ZNF177: variants seen among roughly 807,000 people sequenced by gnomAD.
ZNF177 encodes zinc finger protein 177.
Under a neutral mutation model 19.4 loss-of-function variants are expected in ZNF177, and 17 were observed. The ratio of observed to expected loss-of-function variants is 0.87; its 90% CI spans 0.60 to 1.31. The LOEUF (loss-of-function observed/expected upper bound fraction) is 1.31, where lower values mean the gene tolerates loss of function less well. Among genes scored for constraint, ZNF177 ranks in the 40% most tolerant of loss-of-function variants. ZNF177 has a pLI of 0.00. For synonymous variants in ZNF177, 220 were observed against 188.7 expected (o/e 1.17, Z -1.36); for missense variants, 633 against 561.8 (o/e 1.13, Z -1.28).
At chr19:9,378,323 G>A (rs1214669227) in exon 2 of ZNF177, 2 of 1,613,706 alleles carry the variant, frequency 1.2e-6, no homozygotes, top group South Asian at 2.2e-5. Flanking sequence ...TGGCTGCAGG[G>A]TGGCTGACAA....
exon 6 of ZNF177, chr19:9,381,986 TC>T (rs2068210782): frequency 1.4e-6 from 1 of 690,632 alleles, no homozygotes; most frequent in South Asian, 2.9e-5. Context: ...CAACTGTAGA[TC>T]CTATGAATAT....
chr19:9,379,590 A>T (rs1209226447), exon 4 of ZNF177: 4 of 1,613,812 alleles, frequency 2.5e-6, no homozygotes, highest in Middle Eastern at 1.6e-4. Flanking sequence ...AAGACAGATG[A>T]AAGAGGAATT....
At chr19:9,363,989 A>G (rs941330709) in intron 1 of ZNF177, among the ~76,000 whole-genome samples, 3 of 152,354 alleles carry the variant, frequency 2.0e-5, no homozygotes, top group Middle Eastern at 6.8e-3. Flanking sequence ...CTTCTGTAAC[A>G]GCTTTATTGA....
rs374337718 is a variant in ZNF177, at chr19:9,381,829, A to G, written c.*52A>G. The G allele has an allele frequency of 5.3e-4, 822 of 1,536,708 alleles. 1 individual carries two copies. Among genetic ancestry groups the G allele is most frequent in the Admixed American group, 9.1e-4 (44 of 48,378 alleles). On this transcript the variant is annotated 3_prime_UTR_variant, in exon 6 of 6. Transcript: ENST00000589262. ...CCTCATGCCTCCTTTCTCACTTTAG[A>G]ACATATATTGGAGAGAAGCCCTGTT...
Position 9,368,938 on chromosome 19 carries a change from A to G in ZNF177, c.-304-2672A>G, listed in dbSNP as rs1477550677. Among the ~76,000 whole-genome samples, 3 of 152,150 alleles carry G rather than the reference A, an allele frequency of 2.0e-5. No individual in the cohort carries two copies. The East Asian group carries it at 5.8e-4, about 29-fold the overall frequency. ...CATTGTAATTAAGACATGTCAGAGA[A>G]CATGTTTGTATACCAAATCTTTTTC... On this transcript the variant is annotated intron_variant, in intron 2 of 8. Transcript: ENST00000343499.
At chr19:9,381,120 A>G (rs756393789) in exon 6 of ZNF177, 3 of 1,613,894 alleles carry the variant, frequency 1.9e-6, no homozygotes, top group South Asian at 1.1e-5. Flanking sequence ...AACATGAGAA[A>G]ACTTTCACTG....
chr19:9,374,415 G>T (rs770427422), upstream of ZNF177, among the ~76,000 whole-genome samples: 10 of 152,042 alleles, frequency 6.6e-5, no homozygotes, highest in Non-Finnish European at 1.3e-4. Context: ...TTCTATTTCT[G>T]TAAAAAATAT....
chr19:9,377,983 CAG>C (rs2068135746), intron 1 of ZNF177, among the ~76,000 whole-genome samples: 1 of 152,152 alleles, frequency 6.6e-6, no homozygotes, highest in African/African-American at 2.4e-5. Context: ...AAATGATATT[CAG>C]AGACAGTTTT....
intron 2 of ZNF177, among the ~76,000 whole-genome samples, chr19:9,366,206 C>T (rs2067977471): frequency 6.6e-6 from 1 of 152,140 alleles, no homozygotes; most frequent in Non-Finnish European, 1.5e-5. Flanking sequence ...TGGTCTGGAT[C>T]TCCTGACCTC....
intron 1 of ZNF177, among the ~76,000 whole-genome samples, 191 bp from the exon 4 acceptor site, chr19:9,378,068 G>C (rs2068137313): frequency 6.6e-6 from 1 of 152,096 alleles, no homozygotes; most frequent in Non-Finnish European, 1.5e-5. Flanking sequence ...CTAGAAAAAA[G>C]TCCAAGAAAA....
upstream of ZNF177, among the ~76,000 whole-genome samples, chr19:9,374,083 T>G (rs1231991826): frequency 2.0e-5 from 3 of 152,196 alleles, no homozygotes; most frequent in African/African-American, 4.8e-5. Context: ...GATTTTTGTT[T>G]GTAGTTTAAG....
chr19:9,379,019 C>CT lies in ZNF177; in HGVS notation c.92dup (p.Asp32GlyfsTer17). On this transcript the variant is annotated frameshift_variant, in exon 3 of 6. Coordinates refer to ENST00000589262, the Ensembl canonical transcript of ZNF177. LOFTEE classifies it high-confidence loss of function. The stretch of plus-strand genomic sequence containing the variant: ...CTTTTCCCAGGAGGAGTGGGCATTG[C>CT]TGGACCCTGCTCAAAAAAATCTATA... 1.6e-5 allele frequency: 25 copies of CT among 1,611,270 alleles called. No homozygotes were observed. The highest frequency in any genetic ancestry group is 2.0e-5 in the Non-Finnish European group (23 of 1,177,994).
intron 1 of ZNF177, 48 bp downstream of exon 1, chr19:9,363,132 G>A (rs1198305225): frequency 6.6e-6 from 1 of 152,420 alleles, no homozygotes; most frequent in African/African-American, 2.4e-5. Flanking sequence ...AAGGGGTCAA[G>A]GGCACAGTGC....
chr19:9,369,257 T>A (rs2068018110), intron 2 of ZNF177, among the ~76,000 whole-genome samples: 1 of 152,118 alleles, frequency 6.6e-6, no homozygotes, highest in Non-Finnish European at 1.5e-5. Flanking sequence ...AGTCTTATAG[T>A]GATGATTTGT....
chr19:9,381,215 T>C (rs757529525), exon 6 of ZNF177: 19 of 1,613,344 alleles, frequency 1.2e-5, no homozygotes, highest in Non-Finnish European at 1.7e-6. Flanking sequence ...GCCTTCATTT[T>C]TCAGTCTTCC....
chr19:9,379,520 T>C lies in ZNF177; in HGVS notation c.161-7T>C, dbSNP rs763294440. 1.2e-6 allele frequency: 2 copies of C among 1,612,334 alleles called. No individual in the cohort carries two copies. Among genetic ancestry groups the C allele is most frequent in the South Asian group, 1.1e-5 (1 of 90,608 alleles). ...TTCTCCCACATCCTTGCTTTCTGCG[T>C]GAGCAGGGTATCAGCTCTGCAGACA... On this transcript the variant is annotated splice_region_variant and splice_polypyrimidine_tract_variant and intron_variant, in intron 3 of 5. Transcript: ENST00000589262.
chr19:9,365,484 C>T lies in ZNF177; in HGVS notation c.-305+536C>T, dbSNP rs569800379. 4.6e-5 allele frequency among the ~76,000 whole-genome samples: 7 copies of T among 151,858 alleles called. No homozygotes were observed. In the South Asian group the frequency reaches 6.3e-4, roughly 14 times the overall value. On this transcript the variant is annotated intron_variant, in intron 2 of 8. Coordinates refer to the ZNF177 transcript ENST00000343499. ...GAGAGAAGGGTTCAGGGGTTCTTGACCCCCAGAAAAGCGGAGAAGGGTAGA... is the reference window on the plus strand; with the variant it reads ...GAGAGAAGGGTTCAGGGGTTCTTGATCCCCAGAAAAGCGGAGAAGGGTAGA...
At chr19:9,381,599 C>T in exon 6 of ZNF177, 1 of 1,614,094 alleles carries the variant, frequency 6.2e-7, no homozygotes, top group East Asian at 2.2e-5. Context: ...GGTGAGAAAA[C>T]CTATGAGTGT....
chr19:9,366,087 A>AT (rs1486665786), intron 2 of ZNF177, among the ~76,000 whole-genome samples: 1 of 152,060 alleles, frequency 6.6e-6, no homozygotes, highest in Non-Finnish European at 1.5e-5. Context: ...GGTTCAAGTG[A>AT]TTCTCCTGCC....
Sources: allele counts gnomAD v4.1 joint callset (sites outside exome capture counted in the v4.1 genomes callset), GRCh38; gene constraint gnomAD v4.1.1; transcripts MANE v1.5; gene names NCBI Gene and HGNC (gene_info 2026-07-23, HGNC 2026-07-21).